PITPNC1: variants seen among roughly 807,000 people sequenced by gnomAD.
PITPNC1 encodes the protein phosphatidylinositol transfer protein cytoplasmic 1, also known as cytoplasmic phosphatidylinositol transfer protein 1.
A neutral mutation model predicts 44.7 loss-of-function variants in PITPNC1; 18 were observed. The observed-to-expected ratio is 0.40, with a 90% CI of 0.28 to 0.60. The LOEUF is 0.60. Among genes scored for constraint, PITPNC1 ranks in the 20% least tolerant of loss-of-function variants. The pLI, the probability that PITPNC1 is intolerant of heterozygous loss-of-function variation, is 0.39. For missense variants in PITPNC1, 290 were observed against 418.4 expected (o/e 0.69, Z 2.68); for synonymous variants, 141 against 149.6 (o/e 0.94, Z 0.42).
intron 1 of PITPNC1, among the ~76,000 whole-genome samples, chr17:67,450,709 C>T (rs1415622564): frequency 6.6e-6 from 1 of 152,184 alleles, no homozygotes; most frequent in African/African-American, 2.4e-5. Flanking sequence ...AGGTGTGAGC[C>T]ACCATGCTCG....
intron 4 of PITPNC1, among the ~76,000 whole-genome samples, chr17:67,556,240 C>G (rs1290189577): frequency 1.3e-5 from 2 of 152,154 alleles, no homozygotes; most frequent in African/African-American, 4.8e-5. Context: ...GACAGGGCTA[C>G]AGTCCCCAAT....
intron 1 of PITPNC1, among the ~76,000 whole-genome samples, chr17:67,447,232 C>G (rs372117683): frequency 6.6e-6 from 1 of 151,736 alleles, no homozygotes. Context: ...ACCCCTAGCT[C>G]GTTCCTTGGA....
intron 1 of PITPNC1, among the ~76,000 whole-genome samples, chr17:67,409,245 C>T (rs907284512): frequency 2.3e-4 from 35 of 150,930 alleles, no homozygotes; most frequent in African/African-American, 7.3e-4. Flanking sequence ...CCACCGCGCC[C>T]GGCTAATTTT....
At chr17:67,385,128 C>T (rs565615020) in intron 1 of PITPNC1, among the ~76,000 whole-genome samples, 26 of 152,194 alleles carry the variant, frequency 1.7e-4, no homozygotes, top group East Asian at 5.8e-4. Context: ...CTTCTTGGTC[C>T]GGTGGGGACT....
At chr17:67,466,200 G>GT in intron 1 of PITPNC1, among the ~76,000 whole-genome samples, 1 of 135,830 alleles carries the variant, frequency 7.4e-6, no homozygotes, top group South Asian at 2.8e-4. Context: ...GGTGGGGTGG[G>GT]GGGGTGGGGG....
At chr17:67,635,752 T>C (rs2042024582) in intron 6 of PITPNC1, among the ~76,000 whole-genome samples, 1 of 152,120 alleles carries the variant, frequency 6.6e-6, no homozygotes, top group African/African-American at 2.4e-5. Context: ...CACCAAGGAA[T>C]GCAAGTTTCA....
At position 67,696,836 on chromosome 17, in the gene PITPNC1, GTTAAA is replaced by G. The variant is rs1472303606; in HGVS notation, c.*3953_*3957del. 4 of 150,644 alleles carry G rather than the reference GTTAAA, an allele frequency of 2.7e-5. No individual in the cohort carries two copies. Among genetic ancestry groups the G allele is most frequent in the Non-Finnish European group, 5.9e-5 (4 of 67,898 alleles). The allele number at this position is 150,644 out of a possible 1,614,324, so 9.3% of individuals were successfully genotyped here. The stretch of plus-strand genomic sequence containing the variant: ...TGCCATTAATAATTGTAATTTTGTT[GTTAAA>G]TTAACAAGGACTTTAGGATAAGCCT... On this transcript the variant is annotated 3_prime_UTR_variant, in exon 9 of 9. Transcript: ENST00000581322.
intron 2 of PITPNC1, among the ~76,000 whole-genome samples, chr17:67,534,886 G>A (rs531550969): frequency 9.9e-5 from 15 of 152,180 alleles, no homozygotes; most frequent in Admixed American, 2.6e-4. Flanking sequence ...GGCCTCGGAC[G>A]TGGTTAGACA....
At chr17:67,466,406 T>C (rs952064911) in intron 1 of PITPNC1, among the ~76,000 whole-genome samples, 1 of 152,148 alleles carries the variant, frequency 6.6e-6, no homozygotes, top group Non-Finnish European at 1.5e-5. Flanking sequence ...TTCCCATTTG[T>C]TCAAACGCAA....
rs143765823 is a variant in PITPNC1, at chr17:67,388,733, G to A, written c.48+10531G>A. Among the ~76,000 whole-genome samples, 647 of 151,932 alleles carry A rather than the reference G, an allele frequency of 4.3e-3. 2 individuals are homozygous for A. The highest frequency in any genetic ancestry group is 7.6e-3 in the Non-Finnish European group (517 of 67,958). On this transcript the variant is annotated intron_variant, in intron 1 of 8. Coordinates refer to ENST00000581322, the MANE Select transcript of PITPNC1 (RefSeq NM_012417.4). ...CCTCTCGGGTTCAAGCAATCCTCCC[G>A]CCTCAGCTTTCTTAGTAGCTGAGAC...
At chr17:67,510,584 G>A (rs1389753341) in intron 1 of PITPNC1, among the ~76,000 whole-genome samples, 2 of 152,084 alleles carry the variant, frequency 1.3e-5, no homozygotes, top group Non-Finnish European at 2.9e-5. Flanking sequence ...TTACAGGCGT[G>A]AGCCACCGCG....
Position 67,516,973 on chromosome 17 carries a change from C to T in PITPNC1, c.49-15829C>T, listed in dbSNP as rs562510089. ...TCCATGTGGCACCCCCCACCAACAA[C>T]AGTACCCCATGCTGCTCTGTTCCTA... On this transcript the variant is annotated intron_variant, in intron 1 of 8. Transcript: ENST00000581322. Among the ~76,000 whole-genome samples, 26 of 140,198 alleles carry T rather than the reference C, an allele frequency of 1.9e-4. No individual in the cohort carries two copies. The South Asian group carries it at 4.8e-3, about 26-fold the overall frequency. 92.0% of individuals were successfully genotyped at this position (140,198 alleles called of 152,430 possible).
chr17:67,472,651 G>GA lies in PITPNC1; in HGVS notation c.49-60136dup, dbSNP rs780986823. 8.5e-3 allele frequency among the ~76,000 whole-genome samples: 845 copies of GA among 99,274 alleles called. 7 individuals carry two copies. Among genetic ancestry groups the GA allele is most frequent in the African/African-American group, 0.021 (645 of 30,206 alleles). The allele number at this position is 99,274 out of a possible 152,430, so 65.1% of individuals were successfully genotyped here. A position where few individuals can be genotyped will look rare whatever the true frequency, so the allele number is the denominator to read the frequency against. On this transcript the variant is annotated intron_variant, in intron 1 of 8. Coordinates refer to ENST00000581322, the MANE Select transcript of PITPNC1 (RefSeq NM_012417.4). ...GACAGAGGGAAACTCTGTCTCAAAA[G>GA]AAAAAAAAAAAAAAAGGTCTGTGCA...
At position 67,465,043 on chromosome 17, in the gene PITPNC1, C is replaced by T. The variant is rs140623479; in HGVS notation, c.49-67759C>T. 3.5e-4 allele frequency among the ~76,000 whole-genome samples: 54 copies of T among 152,344 alleles called. No homozygotes were observed. The East Asian group carries it at 0.01, about 29-fold the overall frequency. ...CGTGAGCCACCACACCCGGCCACAA[C>T]TCTCACTTTTAATTGACTGTGCCCC... On this transcript the variant is annotated intron_variant, in intron 1 of 8. Transcript: ENST00000581322.
intron 8 of PITPNC1, among the ~76,000 whole-genome samples, chr17:67,691,077 T>A (rs1182851776): frequency 6.6e-6 from 1 of 150,972 alleles, no homozygotes; most frequent in Non-Finnish European, 1.5e-5. Context: ...CACTCCGGCC[T>A]GTGCAACAGA....
chr17:67,548,497 T>C (rs2040714679), intron 2 of PITPNC1, among the ~76,000 whole-genome samples: 1 of 152,106 alleles, frequency 6.6e-6, no homozygotes, highest in Non-Finnish European at 1.5e-5. Flanking sequence ...AGGCTGAGGC[T>C]GGAGAATCGC....
chr17:67,654,014 C>T (rs138091410), intron 6 of PITPNC1, among the ~76,000 whole-genome samples: 2 of 152,274 alleles, frequency 1.3e-5, no homozygotes, highest in African/African-American at 4.8e-5. Flanking sequence ...GCTGGGACCA[C>T]GAGGTTCCAG....
intron 5 of PITPNC1, among the ~76,000 whole-genome samples, chr17:67,582,677 G>A (rs1460547873): frequency 6.6e-6 from 1 of 152,110 alleles, no homozygotes; most frequent in Admixed American, 6.5e-5. Context: ...TGCAAACTGT[G>A]ATTACATTAA....
intron 4 of PITPNC1, among the ~76,000 whole-genome samples, chr17:67,577,900 T>C (rs894969680): frequency 2.0e-5 from 3 of 152,176 alleles, no homozygotes; most frequent in African/African-American, 7.2e-5. Context: ...CTAAAGCTTA[T>C]GCTAGGAGTC....
Sources: allele counts gnomAD v4.1 joint callset (sites outside exome capture counted in the v4.1 genomes callset), GRCh38; gene constraint gnomAD v4.1.1; transcripts MANE v1.5; gene names NCBI Gene and HGNC (gene_info 2026-07-23, HGNC 2026-07-21).